Variants in CTNNA2 observed in about 807,000 individuals in gnomAD.
The protein encoded by CTNNA2 is catenin alpha-2.
CTNNA2 carries 42 observed loss-of-function variants against 101.0 expected under a neutral mutation model. That is an observed-to-expected ratio of 0.42 (90% confidence interval 0.32 to 0.54). CTNNA2 has a LOEUF of 0.54. Among genes scored for constraint, CTNNA2 ranks in the 20% least tolerant of loss-of-function variants. The probability of loss-of-function intolerance (pLI) is 0.14; values close to 1 mark genes in which losing one functional copy is unlikely to be tolerated. For synonymous variants in CTNNA2, 450 were observed against 456.4 expected (o/e 0.99, Z 0.18); for missense variants, 871 against 1,223.1 (o/e 0.71, Z 4.29).
chr2:79,380,430 C>A (rs1678026650), intron 4 of CTNNA2, among the ~76,000 whole-genome samples: 1 of 151,956 alleles, frequency 6.6e-6, no homozygotes, highest in African/African-American at 2.4e-5. Flanking sequence ...GTCTGTCAAG[C>A]CAACTGGGCC....
At chr2:80,581,307 C>G (rs1372834191) in intron 13 of CTNNA2, among the ~76,000 whole-genome samples, 1 of 152,046 alleles carries the variant, frequency 6.6e-6, no homozygotes, top group Non-Finnish European at 1.5e-5. Flanking sequence ...AGCCTTTGGC[C>G]TGGAGATAAT....
intron 2 of CTNNA2, among the ~76,000 whole-genome samples, chr2:79,237,959 G>A (rs115796601): frequency 0.021 from 3,175 of 152,100 alleles, 48 homozygotes; most frequent in Non-Finnish European, 0.031. Flanking sequence ...CCATTTGTTC[G>A]TTCACTGGAG....
At chr2:80,094,306 A>G (rs1398754451) in intron 7 of CTNNA2, among the ~76,000 whole-genome samples, 2 of 152,088 alleles carry the variant, frequency 1.3e-5, no homozygotes, top group Non-Finnish European at 1.5e-5. Flanking sequence ...GTCAAAGATC[A>G]GATAGTTGTA....
At chr2:80,627,434 T>C (rs1671799460) in intron 18 of CTNNA2, among the ~76,000 whole-genome samples, 1 of 152,218 alleles carries the variant, frequency 6.6e-6, no homozygotes, top group South Asian at 2.1e-4. Flanking sequence ...TGGTATCTCA[T>C]TGTGGCTTTG....
intron 9 of CTNNA2, among the ~76,000 whole-genome samples, chr2:80,534,201 T>G (rs916610421): frequency 6.6e-6 from 1 of 152,042 alleles, no homozygotes; most frequent in Non-Finnish European, 1.5e-5. Context: ...CTCTAGAAAA[T>G]GCAGATTTGT....
intron 3 of CTNNA2, among the ~76,000 whole-genome samples, chr2:79,778,965 A>G (rs1385024003): frequency 6.6e-6 from 1 of 152,208 alleles, no homozygotes; most frequent in Non-Finnish European, 1.5e-5. Context: ...CATGGGCCAA[A>G]GTTTGCTAAT....
intron 2 of CTNNA2, among the ~76,000 whole-genome samples, chr2:79,703,709 C>CT (rs1413510852): frequency 3.9e-5 from 6 of 152,048 alleles, no homozygotes; most frequent in African/African-American, 1.4e-4. Context: ...GTTGGCTAAG[C>CT]TTTTAATTTA....
chr2:79,320,949 G>A (rs1345757110), intron 3 of CTNNA2, among the ~76,000 whole-genome samples: 1 of 152,190 alleles, frequency 6.6e-6, no homozygotes, highest in Non-Finnish European at 1.5e-5. Flanking sequence ...CTAACTGTGT[G>A]TTTAACTTGA....
chr2:79,503,338 C>T lies in CTNNA2; in HGVS notation c.-134-1716C>T, dbSNP rs372620108. Among the ~76,000 whole-genome samples, 5 of 152,258 alleles carry T rather than the reference C, an allele frequency of 3.3e-5. No individual in the cohort carries two copies. In the East Asian group the frequency reaches 5.8e-4, roughly 18 times the overall value. On this transcript the variant is annotated intron_variant, in intron 4 of 21. Transcript: ENST00000466387. ...ATACTACGTGGTATATGGAAACACT[C>T]GAAATGTAGATTATTGTCCCTTAGC...
intron 7 of CTNNA2, among the ~76,000 whole-genome samples, chr2:80,260,866 A>G (rs554402421): frequency 2.6e-5 from 4 of 151,696 alleles, no homozygotes; most frequent in Admixed American, 6.6e-5. Flanking sequence ...TGAGTTGTAC[A>G]TTTTTTTTTC....
chr2:79,236,755 C>A (rs1398790674), intron 2 of CTNNA2, among the ~76,000 whole-genome samples: 1 of 152,132 alleles, frequency 6.6e-6, no homozygotes, highest in African/African-American at 2.4e-5. Context: ...TGCAGTAAAC[C>A]ACTTTCTTTG....
At chr2:79,890,963 A>G (rs1219139429) in intron 6 of CTNNA2, among the ~76,000 whole-genome samples, 2 of 149,064 alleles carry the variant, frequency 1.3e-5, no homozygotes, top group African/African-American at 4.9e-5. Context: ...TGATAAGGGT[A>G]GATCCCTCCA....
intron 7 of CTNNA2, among the ~76,000 whole-genome samples, chr2:80,057,210 C>T (rs1446947218): frequency 6.9e-6 from 1 of 143,914 alleles, no homozygotes; most frequent in Non-Finnish European, 1.5e-5. Flanking sequence ...TGAGACATAA[C>T]TCTGTAGATT....
chr2:79,998,581 T>A (rs554890294), intron 7 of CTNNA2, among the ~76,000 whole-genome samples: 1 of 152,322 alleles, frequency 6.6e-6, no homozygotes, highest in Non-Finnish European at 1.5e-5. Context: ...CAAAGGCTTT[T>A]GCAAAGATTT....
At chr2:80,138,734 A>G (rs1227495990) in intron 7 of CTNNA2, among the ~76,000 whole-genome samples, 3 of 152,166 alleles carry the variant, frequency 2.0e-5, no homozygotes, top group Admixed American at 2.0e-4. Flanking sequence ...TCTCATCTGT[A>G]AAAATGAGGT....
chr2:80,269,262 G>A (rs995214262), intron 7 of CTNNA2, among the ~76,000 whole-genome samples: 2 of 152,078 alleles, frequency 1.3e-5, no homozygotes, highest in African/African-American at 2.4e-5. Context: ...TGCTATTCTC[G>A]TGATAGTAAA....
intron 4 of CTNNA2, among the ~76,000 whole-genome samples, chr2:79,418,664 A>G (rs1678508936): frequency 6.6e-6 from 1 of 152,056 alleles, no homozygotes; most frequent in African/African-American, 2.4e-5. Context: ...GAGACAGAAG[A>G]CTTTCTCTCT....
intron 7 of CTNNA2, among the ~76,000 whole-genome samples, chr2:80,078,518 A>G (rs1485995150): frequency 6.6e-6 from 1 of 152,230 alleles, no homozygotes; most frequent in Non-Finnish European, 1.5e-5. Context: ...GTATGTATCC[A>G]TTCAGCTTTA....
intron 7 of CTNNA2, among the ~76,000 whole-genome samples, chr2:80,111,788 A>C (rs1701225425): frequency 6.6e-6 from 1 of 152,152 alleles, no homozygotes; most frequent in African/African-American, 2.4e-5. Flanking sequence ...ACAGCCTCCC[A>C]AAGTACTAGG....
Sources: allele counts gnomAD v4.1 joint callset (sites outside exome capture counted in the v4.1 genomes callset), GRCh38; gene constraint gnomAD v4.1.1; transcripts MANE v1.5; gene names NCBI Gene and HGNC (gene_info 2026-07-23, HGNC 2026-07-21).